Variants in FAIM2 observed in about 807,000 individuals in gnomAD.
FAIM2 encodes the protein Fas apoptotic inhibitory molecule 2, also known as protein lifeguard 2.
FAIM2 carries 27 observed loss-of-function variants against 47.4 expected under a neutral mutation model. The observed-to-expected ratio is 0.57, with a 90% CI of 0.42 to 0.78. The LOEUF (loss-of-function observed/expected upper bound fraction) is 0.78. Ranked by LOEUF, FAIM2 falls within the 30% of genes least tolerant of loss-of-function variation. The pLI, the probability that FAIM2 is intolerant of heterozygous loss-of-function variation, is 0.00. For synonymous variants in FAIM2, 156 were observed against 159.3 expected, an observed-to-expected ratio of 0.98 and a Z score of 0.16; for missense variants, 311 against 389.4, an observed-to-expected ratio of 0.80 and a Z score of 1.69.
intron 11 of FAIM2, among the ~76,000 whole-genome samples, chr12:49,875,267 C>T (rs370636195): frequency 6.6e-6 from 1 of 152,158 alleles, no homozygotes; most frequent in South Asian, 2.1e-4. Flanking sequence ...ACTATCAGCT[C>T]CACCATTTGC....
intron 5 of FAIM2, among the ~76,000 whole-genome samples, chr12:49,892,996 G>A (rs1419847407): frequency 6.6e-6 from 1 of 152,130 alleles, no homozygotes; most frequent in African/African-American, 2.4e-5. Flanking sequence ...ACCTGGACTT[G>A]TTGATCTTCC....
chr12:49,879,603 AGT>A (rs1442074738), intron 11 of FAIM2, among the ~76,000 whole-genome samples: 1 of 126,652 alleles, frequency 7.9e-6, no homozygotes, highest in South Asian at 2.5e-4. Flanking sequence ...TGTGCATGCG[AGT>A]GTATGTGTGT....
rs541382801 is a variant in FAIM2 at position 49,879,738 on chromosome 12, GTGAA to G, written c.801+7644_801+7647del. ...TGTATATGTGCAAGTGTGTGTCTGA[GTGAA>G]TGTGTATGCATGTATGTGTGTGCAC... On this transcript the variant is annotated intron_variant, in intron 11 of 11. Coordinates refer to ENST00000320634, the MANE Select transcript of FAIM2 (RefSeq NM_012306.4). Among the ~76,000 whole-genome samples the G allele has an allele frequency of 3.0e-3, 452 of 150,212 alleles. 2 individuals carry two copies. The highest frequency in any genetic ancestry group is 0.01 in the African/African-American group (422 of 40,414).
At chr12:49,896,771 G>A (rs640081) in intron 5 of FAIM2, among the ~76,000 whole-genome samples, 94,867 of 152,070 alleles carry the variant, frequency 0.62, 30,377 homozygotes, top group South Asian at 0.81. Flanking sequence ...GCCCTGGCCC[G>A]ACCCTTCCCA....
At chr12:49,903,724 G>C (rs1186055578) in intron 1 of FAIM2, 54 bp downstream of exon 1, 11 of 1,549,696 alleles carry the variant, frequency 7.1e-6, no homozygotes, top group Non-Finnish European at 8.7e-6. Context: ...GAGGATGACA[G>C]GGAGCCGGGA....
In FAIM2 at chr12:49,901,134, G is replaced by A; in HGVS notation, c.207C>T (p.Asp69=). 6.3e-7 allele frequency: 1 copy of A among 1,587,728 alleles called. No homozygotes were observed. The highest frequency in any genetic ancestry group is 2.3e-5 in the East Asian group (1 of 42,968). The change falls in exon 2 of 12, where the codon GAC becomes GAT. Residue 69 remains aspartate (D), a synonymous_variant. Coordinates refer to ENST00000320634, the MANE Select transcript of FAIM2 (RefSeq NM_012306.4). The part of the protein sequence containing the change: ...VPLHPSWAYV[D]PSSSSSYDNG... Reference sequence around the variant, plus strand: ...TCCAGGAGCTGAAAGACTTACTGGGGTCCACATAGGCCCAGCTAGGGTGGA... The same window carrying A: ...TCCAGGAGCTGAAAGACTTACTGGGATCCACATAGGCCCAGCTAGGGTGGA...
rs547436294 is a variant in FAIM2 at position 49,872,191 on chromosome 12, T to C, written c.802-1538A>G. On this transcript the variant is annotated intron_variant, in intron 11 of 11. Transcript: ENST00000320634. ...CTCGCAGCGTCATGGGGGACACTTA[T>C]AGGTCATTACAAGAAAACCCAGGAA... is the stretch of plus-strand genomic sequence containing the variant. Among the ~76,000 whole-genome samples, 17 of 152,230 alleles carry C rather than the reference T, an allele frequency of 1.1e-4. No homozygotes were observed. The East Asian group carries it at 2.3e-3, about 21-fold the overall frequency.
intron 8 of FAIM2, 38 bp from the exon 9 acceptor site, chr12:49,889,606 G>A (rs762826221): frequency 6.4e-7 from 1 of 1,562,908 alleles, no homozygotes; most frequent in South Asian, 1.1e-5. Flanking sequence ...CTCTCAGGCA[G>A]GGCATCTGGT....
intron 6 of FAIM2, 81 bp from the exon 7 acceptor site, chr12:49,890,803 G>C: frequency 7.8e-7 from 1 of 1,282,428 alleles, no homozygotes. Flanking sequence ...TGCAGGGAGG[G>C]GGTCTCTGAC....
chr12:49,889,578 G>A lies in FAIM2; in HGVS notation c.564-10C>T, dbSNP rs200576279. 2.4e-4 allele frequency: 395 copies of A among 1,612,544 alleles called. No individual in the cohort carries two copies. In the African/African-American group the frequency reaches 2.7e-3, roughly 11 times the overall value. Reference sequence around the variant, plus strand: ...GGTGGTGTTGTAGTAGCTGAGGACCGTCAGGCCGAGGGGTCAGCTCTCAGG... The same window carrying A: ...GGTGGTGTTGTAGTAGCTGAGGACCATCAGGCCGAGGGGTCAGCTCTCAGG... On this transcript the variant is annotated splice_polypyrimidine_tract_variant and intron_variant, in intron 8 of 11. Transcript: ENST00000320634.
In FAIM2 at chr12:49,878,394, G is replaced by GTGTGTGCATGTGTGTA. The variant is rs774623224; in HGVS notation, c.802-7742_802-7741insTACACACATGCACACA. The stretch of plus-strand genomic sequence containing the variant: ...GGCATGTGCATGTGTGTATATGTGT[G>GTGTGTGCATGTGTGTA]TGTCTGTGTGCATGTGAGTGTATGT... On this transcript the variant is annotated intron_variant, in intron 11 of 11. Coordinates refer to ENST00000320634, the MANE Select transcript of FAIM2 (RefSeq NM_012306.4). 3.9e-4 allele frequency among the ~76,000 whole-genome samples: 30 copies of GTGTGTGCATGTGTGTA among 76,816 alleles called. 4 individuals are homozygous for GTGTGTGCATGTGTGTA. Among genetic ancestry groups the GTGTGTGCATGTGTGTA allele is most frequent in the Non-Finnish European group, 5.6e-4 (22 of 39,572 alleles). The allele number at this position is 76,816 out of a possible 152,430, so 50.4% of individuals were successfully genotyped here. A position where few individuals can be genotyped will look rare whatever the true frequency, so the allele number is the denominator to read the frequency against.
intron 11 of FAIM2, among the ~76,000 whole-genome samples, chr12:49,878,522 CTGTGTA>C (rs1382231134): frequency 2.4e-5 from 3 of 127,442 alleles, no homozygotes; most frequent in African/African-American, 9.1e-5. Context: ...GTGCATATGA[CTGTGTA>C]TGTGCATGTG....
At chr12:49,880,263 C>T (rs889608617) in intron 11 of FAIM2, among the ~76,000 whole-genome samples, 7 of 134,884 alleles carry the variant, frequency 5.2e-5, no homozygotes, top group South Asian at 2.5e-4. Flanking sequence ...TGTATATGTG[C>T]GTATGTGTAT....
At chr12:49,880,256 A>G (rs1212972646) in intron 11 of FAIM2, among the ~76,000 whole-genome samples, 1 of 146,920 alleles carries the variant, frequency 6.8e-6, no homozygotes. Context: ...GTTCATGTGT[A>G]TATGTGCGTA....
chr12:49,896,246 G>T (rs1158154487), intron 5 of FAIM2, among the ~76,000 whole-genome samples: 1 of 152,198 alleles, frequency 6.6e-6, no homozygotes, highest in African/African-American at 2.4e-5. Context: ...TGAGTCCCAG[G>T]ATGGTTCTGG....
intron 10 of FAIM2, 46 bp from the exon 11 acceptor site, chr12:49,887,485 C>G: frequency 6.5e-7 from 1 of 1,534,848 alleles, no homozygotes; most frequent in Non-Finnish European, 9.0e-7. Flanking sequence ...GAAGGGGCAG[C>G]AGTCAGAGGG....
At chr12:49,878,386 A>G (rs1458738312) in intron 11 of FAIM2, among the ~76,000 whole-genome samples, 2 of 26,088 alleles carry the variant, frequency 7.7e-5, no homozygotes, top group Admixed American at 3.6e-4. Context: ...GCATGTGTGT[A>G]TATGTGTGTG....
chr12:49,903,199 C>T (rs1592797139), intron 1 of FAIM2, among the ~76,000 whole-genome samples: 1 of 152,246 alleles, frequency 6.6e-6, no homozygotes, highest in Admixed American at 6.5e-5. Context: ...CATCCGGACC[C>T]ATCCATGCCT....
intron 11 of FAIM2, among the ~76,000 whole-genome samples, chr12:49,883,629 T>C (rs423934): frequency 0.76 from 115,923 of 152,064 alleles, 44,585 homozygotes; most frequent in African/African-American, 0.85. Flanking sequence ...GAGATGTAAA[T>C]GTTAGAGTAA....
Sources: allele counts gnomAD v4.1 joint callset (sites outside exome capture counted in the v4.1 genomes callset), GRCh38; gene constraint gnomAD v4.1.1; transcripts MANE v1.5; gene names NCBI Gene and HGNC (gene_info 2026-07-23, HGNC 2026-07-21).